Variants in NTRK1 observed in about 807,000 individuals in gnomAD.
NTRK1 encodes high affinity nerve growth factor receptor.
A neutral mutation model predicts 86.8 loss-of-function variants in NTRK1; 62 were observed. The ratio of observed to expected loss-of-function variants is 0.71; its 90% CI spans 0.58 to 0.88. The LOEUF is 0.88. Ranked by LOEUF, NTRK1 falls within the 40% of genes least tolerant of loss-of-function variation. The probability of loss-of-function intolerance (pLI) is 0.00; values close to 1 mark genes in which losing one functional copy is unlikely to be tolerated. For missense variants in NTRK1, 967 were observed against 1,078.4 expected (o/e 0.90, Z 1.45); for synonymous variants, 469 against 456.6 (o/e 1.03, Z -0.35).
At chr1:156,849,390 T>G in intron 2 of NTRK1, 1 of 1,612,942 alleles carries the variant, frequency 6.2e-7, no homozygotes, top group Non-Finnish European at 8.5e-7. Context: ...ACGGGAATGG[T>G]GAGCCCCGCG....
intron 1 of NTRK1, among the ~76,000 whole-genome samples, chr1:156,829,448 C>CA (rs1654407476): frequency 6.6e-6 from 1 of 152,162 alleles, no homozygotes; most frequent in Admixed American, 6.5e-5. Context: ...CAGGTCCCTC[C>CA]AGCCCAGAAG....
At position 156,879,363 on chromosome 1, in the gene NTRK1, G is replaced by T. The variant is rs1452844753; in HGVS notation, c.2046+1G>T. ...TATCTACAGCACCGACTATTACCGTGTAAGGGTCCTTTGTCCCCAACGCCT... is the reference window on the plus strand; with the variant it reads ...TATCTACAGCACCGACTATTACCGTTTAAGGGTCCTTTGTCCCCAACGCCT... On this transcript the variant is annotated splice_donor_variant, in intron 15 of 16. Coordinates refer to ENST00000524377, the MANE Select transcript of NTRK1 (RefSeq NM_002529.4). LOFTEE classifies it high-confidence loss of function. 4 of 1,597,796 alleles carry T rather than the reference G, an allele frequency of 2.5e-6. No individual in the cohort carries two copies. Among genetic ancestry groups the T allele is most frequent in the Non-Finnish European group, 3.4e-6 (4 of 1,174,886 alleles).
Position 156,845,874 on chromosome 1 carries a change from C to T in NTRK1, c.50+3681C>T, listed in dbSNP as rs559005457. The T allele has an allele frequency of 7.5e-6, 12 of 1,600,180 alleles. No homozygotes were observed. In the South Asian group the frequency reaches 1.1e-4, roughly 15 times the overall value. ...GCGGTCTACCCGCCTCTGATCCCCCCCACCTGCCGGGGCCCTGCGCCTCCA... is the reference window on the plus strand; with the variant it reads ...GCGGTCTACCCGCCTCTGATCCCCCTCACCTGCCGGGGCCCTGCGCCTCCA... On this transcript the variant is annotated intron_variant, in intron 2 of 16. Transcript: ENST00000392302.
intron 1 of NTRK1, among the ~76,000 whole-genome samples, chr1:156,835,663 T>C (rs1654579717): frequency 6.6e-6 from 1 of 152,244 alleles, no homozygotes; most frequent in African/African-American, 2.4e-5. Context: ...CCATAGTTCA[T>C]CCTGGCCATC....
intron 1 of NTRK1, 128 bp downstream of exon 1, chr1:156,861,274 CCTTCGG>C (rs1186876706): frequency 2.8e-6 from 3 of 1,065,042 alleles, no homozygotes; most frequent in African/African-American, 6.0e-5. Flanking sequence ...CACCACGCAG[CCTTCGG>C]CGCTGCCCGG....
At chr1:156,874,164 C>T (rs757049794) in intron 8 of NTRK1, 31 of 893,136 alleles carry the variant, frequency 3.5e-5, no homozygotes, top group Non-Finnish European at 5.3e-5. Flanking sequence ...CCGTCCTTGT[C>T]GGCTGGCTGA....
chr1:156,835,756 G>A (rs1030345974), intron 1 of NTRK1, among the ~76,000 whole-genome samples: 1 of 152,114 alleles, frequency 6.6e-6, no homozygotes, highest in African/African-American at 2.4e-5. Context: ...TTTGTATAGT[G>A]CTTTATAGCT....
At chr1:156,864,218 T>A in intron 1 of NTRK1, 136 bp from the exon 2 acceptor site, 1 of 782,086 alleles carries the variant, frequency 1.3e-6, no homozygotes. Flanking sequence ...CCTGTGTAAG[T>A]GTGTATGCAG....
chr1:156,854,321 A>G lies in NTRK1; in HGVS notation c.51-10033A>G. 1 of 1,592,786 alleles carries G rather than the reference A, an allele frequency of 6.3e-7. No individual in the cohort carries two copies. The highest frequency in any genetic ancestry group is 8.5e-7 in the Non-Finnish European group (1 of 1,170,454). On this transcript the variant is annotated intron_variant, in intron 2 of 16. Transcript: ENST00000392302. This position sits in a 1 kb window ranked among gnomAD's most constrained non-coding sequence, Gnocchi z 4.2. ...GGGGCACACTGTGGGCATACACGGCACGCAGCATTGAGTACAGCCCAGGCC... is the reference window on the plus strand; with the variant it reads ...GGGGCACACTGTGGGCATACACGGCGCGCAGCATTGAGTACAGCCCAGGCC...
chr1:156,842,277 G>A (rs756395014), intron 2 of NTRK1: 15 of 1,613,880 alleles, frequency 9.3e-6, no homozygotes, highest in Non-Finnish European at 1.1e-5. Context: ...TTGTTCTAGA[G>A]CCAAGATTGG....
Position 156,829,522 on chromosome 1 carries a change from C to T in NTRK1, c.-63-12559C>T, listed in dbSNP as rs1046575266. 3.3e-5 allele frequency among the ~76,000 whole-genome samples: 5 copies of T among 152,232 alleles called. No individual in the cohort carries two copies. The Middle Eastern group carries it at 0.01, about 311-fold the overall frequency. ...GTCCTGGCCACCCTCAGGATCCTGC[C>T]TTTTTGACAGGGAGGCCCTTGGGGA... On this transcript the variant is annotated intron_variant, in intron 1 of 16. Transcript: ENST00000392302.
rs1039292345 is a variant in NTRK1, at chr1:156,868,200, G to A, written c.525G>A (p.Leu175=). 2 of 1,613,148 alleles carry A rather than the reference G, an allele frequency of 1.2e-6. No individual in the cohort carries two copies. The highest frequency in any genetic ancestry group is 1.7e-6 in the Non-Finnish European group (2 of 1,180,026). ...TGGGCGGAGTGCCTGAACAGAAGCT[G>A]CAGTGTCATGGGCAAGGGCCCCTGG... ...EGLGGVPEQK[L]QCHGQGPLAH... The change falls in exon 5 of 17, where the codon CTG becomes CTA. Residue 175 remains leucine, a synonymous_variant. Transcript: ENST00000524377.
chr1:156,858,695 T>C, upstream of NTRK1: 1 of 1,279,562 alleles, frequency 7.8e-7, no homozygotes, highest in Non-Finnish European at 1.1e-6. Flanking sequence ...TGATAAGCCC[T>C]AAGGGACACA....
chr1:156,849,228 C>T (rs1655119272), intron 2 of NTRK1: 21 of 1,612,682 alleles, frequency 1.3e-5, no homozygotes, highest in Non-Finnish European at 1.6e-5. Context: ...TCCACCGGCA[C>T]TGGGGTTGGG....
At chr1:156,866,371 G>A (rs1655928870) in intron 3 of NTRK1, among the ~76,000 whole-genome samples, 1 of 152,204 alleles carries the variant, frequency 6.6e-6, no homozygotes, top group Admixed American at 6.5e-5. Flanking sequence ...AGGGGGCTGG[G>A]GGTGTGGGGG....
intron 1 of NTRK1, chr1:156,816,525 G>A: frequency 7.5e-6 from 5 of 669,068 alleles, no homozygotes; most frequent in Non-Finnish European, 1.0e-5. Context: ...CCCAGGCAGG[G>A]TTGTGGTCAC....
intron 4 of NTRK1, 98 bp from the exon 5 acceptor site, chr1:156,868,006 T>C: frequency 7.4e-7 from 1 of 1,352,144 alleles, no homozygotes. Flanking sequence ...CCCTTTCACC[T>C]GTAGACGGTC....
chr1:156,878,971 T>A, intron 14 of NTRK1, 151 bp from the exon 15 acceptor site: 1 of 884,072 alleles, frequency 1.1e-6, no homozygotes, highest in Non-Finnish European at 1.7e-6. Context: ...ATCCCACCCC[T>A]CTGGACAGCT....
At chr1:156,850,900 C>T (rs114554164) in intron 2 of NTRK1, among the ~76,000 whole-genome samples, 134 of 152,272 alleles carry the variant, frequency 8.8e-4, no homozygotes, top group Non-Finnish European at 1.6e-3. Context: ...TATAGGTAGG[C>T]CTTGACTGGC....
Sources: allele counts gnomAD v4.1 joint callset (sites outside exome capture counted in the v4.1 genomes callset), GRCh38; gene constraint gnomAD v4.1.1; non-coding constraint Gnocchi (gnomAD v3.1); transcripts MANE v1.5; gene names NCBI Gene and HGNC (gene_info 2026-07-23, HGNC 2026-07-21).